Variants in STEAP1B observed in about 807,000 individuals in gnomAD.
STEAP1B encodes STEAP family protein MGC87042.
Under a neutral mutation model 27.9 loss-of-function variants are expected in STEAP1B, and 13 were observed. The ratio of observed to expected loss-of-function variants is 0.47; its 90% confidence interval spans 0.30 to 0.74. STEAP1B has a LOEUF of 0.74. Ranked by LOEUF, STEAP1B falls within the 30% of genes least tolerant of loss-of-function variation. STEAP1B has a pLI of 0.06. For missense variants in STEAP1B, 250 were observed against 298.7 expected, an observed-to-expected ratio of 0.84 and a Z score of 1.20; for synonymous variants, 86 against 107.1, an observed-to-expected ratio of 0.80 and a Z score of 1.22.
At chr7:22,452,054 A>T (rs1260157556) in intron 4 of STEAP1B, among the ~76,000 whole-genome samples, 1 of 152,228 alleles carries the variant, frequency 6.6e-6, no homozygotes, top group African/African-American at 2.4e-5. Context: ...TAATTTAAAC[A>T]GGGGAAATCC....
chr7:22,444,226 T>A (rs1000872435), intron 4 of STEAP1B, among the ~76,000 whole-genome samples: 3 of 152,218 alleles, frequency 2.0e-5, no homozygotes, highest in African/African-American at 7.2e-5. Flanking sequence ...GGAGTGAGGG[T>A]ACCTGTACCT....
At chr7:22,444,178 C>T (rs945476564) in intron 4 of STEAP1B, among the ~76,000 whole-genome samples, 3 of 152,326 alleles carry the variant, frequency 2.0e-5, no homozygotes, top group African/African-American at 4.8e-5. Context: ...AGAGCAAGAC[C>T]TTTAACGTCT....
At chr7:22,420,557 T>A (rs1162345415) in intron 4 of STEAP1B, among the ~76,000 whole-genome samples, 2 of 152,218 alleles carry the variant, frequency 1.3e-5, no homozygotes, top group Non-Finnish European at 2.9e-5. Context: ...AAATCCGGCT[T>A]TGTTCTTCCA....
intron 1 of STEAP1B, among the ~76,000 whole-genome samples, chr7:22,496,562 G>A (rs1006075971): frequency 2.4e-4 from 36 of 152,150 alleles, no homozygotes; most frequent in Non-Finnish European, 5.1e-4. Flanking sequence ...TCTTTTATAC[G>A]ATATATGTAT....
chr7:22,440,248 T>A (rs995815582), intron 4 of STEAP1B, among the ~76,000 whole-genome samples: 4 of 152,182 alleles, frequency 2.6e-5, no homozygotes, highest in African/African-American at 7.2e-5. Flanking sequence ...CCTTGACTTG[T>A]GGGAAGGATC....
intron 4 of STEAP1B, among the ~76,000 whole-genome samples, chr7:22,453,339 T>C (rs73083161): frequency 0.13 from 20,431 of 152,242 alleles, 1,504 homozygotes; most frequent in Non-Finnish European, 0.17. Flanking sequence ...AACTGTGCTA[T>C]GTGCATGAGA....
intron 4 of STEAP1B, among the ~76,000 whole-genome samples, chr7:22,437,240 C>G (rs1484320972): frequency 6.6e-6 from 1 of 152,132 alleles, no homozygotes; most frequent in East Asian, 1.9e-4. Context: ...AACTTTATAC[C>G]CACTAGTACC....
intron 4 of STEAP1B, among the ~76,000 whole-genome samples, chr7:22,441,592 T>C (rs116069988): frequency 1.2e-4 from 18 of 152,360 alleles, no homozygotes; most frequent in South Asian, 4.1e-4. Context: ...CTCCAAAAGA[T>C]GCTTTGAAGA....
At chr7:22,479,395 G>A (rs912655029) in intron 4 of STEAP1B, among the ~76,000 whole-genome samples, 16 of 152,194 alleles carry the variant, frequency 1.1e-4, no homozygotes, top group African/African-American at 3.1e-4. Flanking sequence ...TTTGCAGCTC[G>A]TTAATAGCCT....
At chr7:22,496,265 T>G (rs1020033873) in intron 1 of STEAP1B, among the ~76,000 whole-genome samples, 7 of 152,160 alleles carry the variant, frequency 4.6e-5, no homozygotes, top group Non-Finnish European at 8.8e-5. Context: ...GGCTGTACAA[T>G]GTGACGATGT....
At chr7:22,477,219 GGT>G (rs1785988337) in intron 4 of STEAP1B, among the ~76,000 whole-genome samples, 1 of 152,186 alleles carries the variant, frequency 6.6e-6, no homozygotes, top group Admixed American at 6.5e-5. Context: ...GTCACATTAT[GGT>G]GTGTCTGCCA....
chr7:22,444,353 G>A (rs1785377075), intron 4 of STEAP1B, among the ~76,000 whole-genome samples: 1 of 152,228 alleles, frequency 6.6e-6, no homozygotes. Context: ...TTGTTTGCCT[G>A]GCTCTAGCCG....
chr7:22,487,667 G>A (rs1400099885), intron 4 of STEAP1B, among the ~76,000 whole-genome samples: 2 of 151,758 alleles, frequency 1.3e-5, no homozygotes, highest in African/African-American at 4.8e-5. Flanking sequence ...AGCCAGGCAT[G>A]GTGATGCATG....
rs536204781 is a variant in STEAP1B, at chr7:22,439,279, G to T, written c.763-19443C>A. Among the ~76,000 whole-genome samples, 19 of 152,220 alleles carry T rather than the reference G, an allele frequency of 1.2e-4. No individual in the cohort carries two copies. In the South Asian group the frequency reaches 3.9e-3, roughly 32 times the overall value. On this transcript the variant is annotated intron_variant, in intron 4 of 4. Coordinates refer to ENST00000678116, the MANE Select transcript of STEAP1B (RefSeq NM_001382447.1). ...AACAATAATTCTTTAAATTAATTTT[G>T]ACTATTCTTATTCCAAGTCCGTACA...
At chr7:22,427,543 TG>T (rs1785124480) in intron 4 of STEAP1B, among the ~76,000 whole-genome samples, 1 of 152,214 alleles carries the variant, frequency 6.6e-6, no homozygotes, top group Non-Finnish European at 1.5e-5. Context: ...ATATTCACTT[TG>T]ACAGCATCAT....
chr7:22,442,819 G>A (rs1785354401), intron 4 of STEAP1B, among the ~76,000 whole-genome samples: 1 of 152,188 alleles, frequency 6.6e-6, no homozygotes, highest in Non-Finnish European at 1.5e-5. Context: ...GGAGGACTTG[G>A]CAGTGCTCCC....
In STEAP1B at chr7:22,493,205, T is replaced by G. The variant is rs1055857752; in HGVS notation, c.597+119A>C. The G allele has an allele frequency of 1.1e-5, 13 of 1,230,436 alleles. 1 individual carries two copies. Among genetic ancestry groups the G allele is most frequent in the Non-Finnish European group, 1.3e-5 (12 of 909,604 alleles). The allele number at this position is 1,230,436 out of a possible 1,614,324, so 76.2% of individuals were successfully genotyped here. On this transcript the variant is annotated intron_variant, in intron 3 of 4. Coordinates refer to ENST00000678116, the MANE Select transcript of STEAP1B (RefSeq NM_001382447.1). ...ATTATAAGAAAAATTTTAAAATAGATGACTTTTTCAACACAGAGTTTCAAC... is the reference window on the plus strand; with the variant it reads ...ATTATAAGAAAAATTTTAAAATAGAGGACTTTTTCAACACAGAGTTTCAAC...
At chr7:22,425,975 G>A (rs1448145349) in intron 4 of STEAP1B, among the ~76,000 whole-genome samples, 1 of 152,238 alleles carries the variant, frequency 6.6e-6, no homozygotes, top group African/African-American at 2.4e-5. Flanking sequence ...TGTTGCTACA[G>A]TTGTTTTTCT....
intron 4 of STEAP1B, among the ~76,000 whole-genome samples, chr7:22,424,849 C>T (rs1287493459): frequency 6.8e-6 from 1 of 147,896 alleles, no homozygotes; most frequent in Non-Finnish European, 1.5e-5. Flanking sequence ...CTTGAGTTAT[C>T]ATATTCAGTA....
Sources: gnomAD v4.1 joint callset for allele counts (sites outside exome capture counted in the v4.1 genomes callset) on GRCh38, gnomAD v4.1.1 for gene constraint, MANE v1.5 for transcripts, NCBI Gene and HGNC (gene_info 2026-07-23, HGNC 2026-07-21) for gene names.